The following LRRC58 variants were observed in gnomAD, a reference collection of about 807,000 sequenced individuals.
LRRC58 encodes leucine-rich repeat-containing protein 58.
A neutral mutation model predicts 30.6 loss-of-function variants in LRRC58; 18 were observed. The observed-to-expected ratio is 0.59, with a 90% confidence interval of 0.41 to 0.87. LRRC58 has a LOEUF of 0.87. LRRC58 is among the 40% of genes least tolerant of loss of function. The pLI is 0.00. For synonymous variants in LRRC58, 221 were observed against 206.0 expected, an observed-to-expected ratio of 1.07 and a Z score of -0.62; for missense variants, 420 against 468.4, an observed-to-expected ratio of 0.90 and a Z score of 0.95.
chr3:120,334,912 A>T lies in LRRC58; in HGVS notation c.857T>A (p.Leu286His), dbSNP rs1369227101. 3 of 1,613,828 alleles carry T rather than the reference A, an allele frequency of 1.9e-6. No homozygotes were observed. The highest frequency in any genetic ancestry group is 2.5e-6 in the Non-Finnish European group (3 of 1,179,806). The stretch of plus-strand genomic sequence containing the variant: ...GCTGGCTGAACCCAAGTATCTAAGA[A>T]GATTTCCAGGAAGATCATAGGGAGT... Reference protein sequence around the residue: ...SYTPYDLPGNLLRYLGSASNC... With the variant: ...SYTPYDLPGNHLRYLGSASNC... The change falls in exon 3 of 4, where the codon CTT becomes CAT. Residue 286 changes from leucine (L) to histidine (H), a missense_variant. Transcript: ENST00000295628.
In LRRC58 at chr3:120,339,876, T is replaced by G. The variant is rs562564517; in HGVS notation, c.501-3923A>C. ...TTTTTTAATTTTTTTTTAATTTTTA[T>G]TTTTTGAGATGGAGTCTTGCTCTGT... On this transcript the variant is annotated intron_variant, in intron 1 of 3. Transcript: ENST00000295628. 7.9e-5 allele frequency among the ~76,000 whole-genome samples: 12 copies of G among 152,320 alleles called. No individual in the cohort carries two copies. In the East Asian group the frequency reaches 1.7e-3, roughly 22 times the overall value.
At chr3:120,347,229 A>G (rs1935979145) in intron 1 of LRRC58, among the ~76,000 whole-genome samples, 1 of 152,152 alleles carries the variant, frequency 6.6e-6, no homozygotes, top group African/African-American at 2.4e-5. Context: ...GTATTCAATA[A>G]ATATCTATTG....
At chr3:120,348,662 C>A in intron 1 of LRRC58, 82 bp downstream of exon 1, 1 of 1,418,486 alleles carries the variant, frequency 7.0e-7, no homozygotes, top group Non-Finnish European at 9.3e-7. Flanking sequence ...ACGTGACAAA[C>A]GTTGAGGTGC....
In LRRC58 at chr3:120,349,041, G is replaced by C; in HGVS notation, c.203C>G (p.Pro68Arg). Reference sequence around the variant, plus strand: ...GCTCACGTCCAGCAGCTGGAGGTGCGGGAAGCCGCTGCCCAGCGCCCGTGG... The same window carrying C: ...GCTCACGTCCAGCAGCTGGAGGTGCCGGAAGCCGCTGCCCAGCGCCCGTGG... ...SLPRALGSGF[P>R]HLQLLDVSGN... The change falls in exon 1 of 4, where the codon CCG becomes CGG. Residue 68 changes from proline (P) to arginine (R), a missense_variant. Coordinates refer to ENST00000295628, the MANE Select transcript of LRRC58 (RefSeq NM_001099678.2). The C allele has an allele frequency of 6.6e-7, 1 of 1,518,534 alleles. No homozygotes were observed. The highest frequency in any genetic ancestry group is 8.8e-7 in the Non-Finnish European group (1 of 1,141,164). 94.1% of individuals were successfully genotyped at this position (1,518,534 alleles called of 1,614,324 possible). A position where few individuals can be genotyped will look rare whatever the true frequency, so the allele number is the denominator to read the frequency against.
chr3:120,334,364 CG>C (rs968922176), intron 3 of LRRC58, among the ~76,000 whole-genome samples: 5 of 151,860 alleles, frequency 3.3e-5, no homozygotes, highest in African/African-American at 9.7e-5. Flanking sequence ...AAAAATTAGC[CG>C]GGTGTTGTGG....
intron 1 of LRRC58, among the ~76,000 whole-genome samples, chr3:120,345,644 A>G (rs1341632764): frequency 6.6e-6 from 1 of 152,218 alleles, no homozygotes; most frequent in African/African-American, 2.4e-5. Flanking sequence ...ATAGAAGGGG[A>G]TGAATCGGGT....
At chr3:120,341,061 T>C (rs1299013135) in intron 1 of LRRC58, among the ~76,000 whole-genome samples, 1 of 152,240 alleles carries the variant, frequency 6.6e-6, no homozygotes, top group Non-Finnish European at 1.5e-5. Flanking sequence ...TCAAAGATTA[T>C]CTTGCAGCAA....
intron 1 of LRRC58, among the ~76,000 whole-genome samples, chr3:120,342,351 C>T (rs960774316): frequency 3.9e-5 from 6 of 152,156 alleles, no homozygotes; most frequent in African/African-American, 1.4e-4. Context: ...TCCATAAAAG[C>T]CCTGGGCTCA....
chr3:120,347,478 G>A (rs958711145), intron 1 of LRRC58, among the ~76,000 whole-genome samples: 1 of 138,486 alleles, frequency 7.2e-6, no homozygotes, highest in Non-Finnish European at 1.5e-5. Context: ...TGCAAGCTCC[G>A]CTTCCCGGGT....
intron 1 of LRRC58, 54 bp from the exon 2 acceptor site, chr3:120,336,007 C>G: frequency 1.5e-6 from 2 of 1,294,196 alleles, no homozygotes. Flanking sequence ...AAAAAGATAC[C>G]CCATTGTGTC....
At chr3:120,336,161 T>TAAC (rs1935832606) in intron 1 of LRRC58, among the ~76,000 whole-genome samples, 1 of 152,114 alleles carries the variant, frequency 6.6e-6, no homozygotes, top group African/African-American at 2.4e-5. Flanking sequence ...CAATGTTAGA[T>TAAC]AACATTATAA....
Position 120,349,301 on chromosome 3 carries a change from A to T in LRRC58, c.-58T>A, listed in dbSNP as rs1348433386. Reference sequence around the variant, plus strand: ...CCCCAGAGCGCCGCGCGCGGTCCAGAGGCCGGGAGCTCTGCGGCGCCCCGG... The same window carrying T: ...CCCCAGAGCGCCGCGCGCGGTCCAGTGGCCGGGAGCTCTGCGGCGCCCCGG... On this transcript the variant is annotated 5_prime_UTR_variant, in exon 1 of 4. Coordinates refer to ENST00000295628, the MANE Select transcript of LRRC58 (RefSeq NM_001099678.2). 1.5e-6 allele frequency: 2 copies of T among 1,340,794 alleles called. No individual in the cohort carries two copies. Among genetic ancestry groups the T allele is most frequent in the African/African-American group, 3.1e-5 (2 of 64,754 alleles). 83.1% of individuals were successfully genotyped at this position (1,340,794 alleles called of 1,614,324 possible).
At chr3:120,348,102 T>C (rs116544408) in intron 1 of LRRC58, among the ~76,000 whole-genome samples, 158 of 152,198 alleles carry the variant, frequency 1.0e-3, no homozygotes, top group African/African-American at 3.6e-3. Flanking sequence ...ACAGAGATGA[T>C]TAACTTGAGA....
At chr3:120,336,370 A>G (rs907870139) in intron 1 of LRRC58, among the ~76,000 whole-genome samples, 3 of 152,218 alleles carry the variant, frequency 2.0e-5, no homozygotes, top group African/African-American at 7.2e-5. Flanking sequence ...AAGAAGAAAG[A>G]GTACACTTCA....
rs893348709 is a variant in LRRC58, at chr3:120,327,415, C to G, written c.*3785G>C. ...TACAGGCGCCCGCCATCACGCCCGGCTAATTTTTTTTTGTATTTTTAGTAG... is the reference window on the plus strand; with the variant it reads ...TACAGGCGCCCGCCATCACGCCCGGGTAATTTTTTTTTGTATTTTTAGTAG... On this transcript the variant is annotated 3_prime_UTR_variant, in exon 4 of 4. Coordinates refer to ENST00000295628, the MANE Select transcript of LRRC58 (RefSeq NM_001099678.2). 6.6e-6 allele frequency: 1 copy of G among 150,874 alleles called. No individual in the cohort carries two copies. Among genetic ancestry groups the G allele is most frequent in the Non-Finnish European group, 1.5e-5 (1 of 67,720 alleles). 9.3% of individuals were successfully genotyped at this position (150,874 alleles called of 1,614,324 possible).
At chr3:120,334,546 G>A (rs1204100266) in intron 3 of LRRC58, among the ~76,000 whole-genome samples, 1 of 151,668 alleles carries the variant, frequency 6.6e-6, no homozygotes, top group Admixed American at 6.6e-5. Flanking sequence ...ATAATAAAAG[G>A]TGTCCAAACA....
chr3:120,335,205 A>G (rs1249169532), intron 2 of LRRC58, 66 bp from the exon 3 acceptor site: 22 of 1,368,588 alleles, frequency 1.6e-5, no homozygotes, highest in Non-Finnish European at 2.2e-5. Context: ...TATTGAATAT[A>G]TGTGTGTATA....
chr3:120,349,265 G>C lies in LRRC58; in HGVS notation c.-22C>G, dbSNP rs546859822. 5 of 1,357,800 alleles carry C rather than the reference G, an allele frequency of 3.7e-6. No individual in the cohort carries two copies. Among genetic ancestry groups the C allele is most frequent in the Non-Finnish European group, 4.7e-6 (5 of 1,062,102 alleles). 84.1% of individuals were successfully genotyped at this position (1,357,800 alleles called of 1,614,324 possible). On this transcript the variant is annotated 5_prime_UTR_variant, in exon 1 of 4. Transcript: ENST00000295628. ...CCATCCTGGCCACCGCACGGCGCGT[G>C]GCGCCGGATTCCCCAGAGCGCCGCG...
chr3:120,332,926 T>G (rs1935778029), intron 3 of LRRC58, among the ~76,000 whole-genome samples: 1 of 151,936 alleles, frequency 6.6e-6, no homozygotes, highest in Non-Finnish European at 1.5e-5. Flanking sequence ...ATGTTTATAT[T>G]TTTTGTAGAG....
Sources: allele counts gnomAD v4.1 joint callset (sites outside exome capture counted in the v4.1 genomes callset), GRCh38; gene constraint gnomAD v4.1.1; transcripts MANE v1.5; gene names NCBI Gene and HGNC (gene_info 2026-07-23, HGNC 2026-07-21).